DOCK3: variants seen among roughly 807,000 people sequenced by gnomAD.
The protein encoded by DOCK3 is dedicator of cytokinesis 3.
Under a neutral mutation model 265.6 loss-of-function variants are expected in DOCK3, and 60 were observed. The observed-to-expected ratio is 0.23, with a 90% CI of 0.18 to 0.28. The LOEUF (loss-of-function observed/expected upper bound fraction) is 0.28. Ranked by LOEUF, DOCK3 falls within the 10% of genes least tolerant of loss-of-function variation. The pLI is 1.00. For missense variants in DOCK3, 1,981 were observed against 2,594.3 expected (o/e 0.76, Z 5.14); for synonymous variants, 881 against 938.0 (o/e 0.94, Z 1.11).
At chr3:50,804,600 G>A (rs988635627) in intron 2 of DOCK3, among the ~76,000 whole-genome samples, 2 of 152,182 alleles carry the variant, frequency 1.3e-5, no homozygotes, top group African/African-American at 4.8e-5. Context: ...CCAGTCAGGC[G>A]TGGCGGCTGG....
At chr3:51,213,967 T>G (rs1028018774) in intron 13 of DOCK3, among the ~76,000 whole-genome samples, 155 bp from the exon 14 acceptor site, 2 of 152,198 alleles carry the variant, frequency 1.3e-5, no homozygotes, top group South Asian at 2.1e-4. Flanking sequence ...TCCAAAATGT[T>G]TCTTCAAAAT....
chr3:51,086,571 G>A lies in DOCK3; in HGVS notation c.550-2672G>A, dbSNP rs1013918677. 2.0e-5 allele frequency among the ~76,000 whole-genome samples: 3 copies of A among 152,246 alleles called. No homozygotes were observed. The East Asian group carries it at 5.8e-4, about 29-fold the overall frequency. ...CCAGCACTTTGGGAGGCCAAGGCAG[G>A]TGGATCACCTGAGGTCAGGAGTTCA... On this transcript the variant is annotated intron_variant, in intron 7 of 52. Transcript: ENST00000266037.
At position 50,968,553 on chromosome 3, in the gene DOCK3, A is replaced by ATTTTT. The variant is rs749920591; in HGVS notation, c.315+34487_315+34491dup. ...CGAGAAGATACTTTCTATGATTTCA[A>ATTTTT]TTTTTTTTTTTTTTTGAGACGGAGT... On this transcript the variant is annotated intron_variant, in intron 5 of 52. Transcript: ENST00000266037. 2.6e-3 allele frequency among the ~76,000 whole-genome samples: 369 copies of ATTTTT among 139,368 alleles called. 1 individual carries two copies. Among genetic ancestry groups the ATTTTT allele is most frequent in the Admixed American group, 8.5e-3 (118 of 13,908 alleles). The allele number at this position is 139,368 out of a possible 152,430, so 91.4% of individuals were successfully genotyped here.
At chr3:50,916,846 CAAAA>C (rs397877086) in intron 4 of DOCK3, among the ~76,000 whole-genome samples, 4 of 77,090 alleles carry the variant, frequency 5.2e-5, no homozygotes, top group Non-Finnish European at 8.3e-5. Context: ...GACTCCGTTT[CAAAA>C]AAAAAAAAAA....
At chr3:51,322,808 A>G (rs780225249) in intron 32 of DOCK3, among the ~76,000 whole-genome samples, 3 of 152,178 alleles carry the variant, frequency 2.0e-5, no homozygotes, top group Non-Finnish European at 4.4e-5. Context: ...AACAATATTA[A>G]CCTTAAATGT....
chr3:51,246,143 A>G (rs1020131256), intron 21 of DOCK3, among the ~76,000 whole-genome samples: 3 of 152,098 alleles, frequency 2.0e-5, no homozygotes, highest in Non-Finnish European at 4.4e-5. Context: ...TTCAGAATCT[A>G]CTATTTACTG....
At chr3:50,701,781 A>G (rs1054621434) in intron 1 of DOCK3, among the ~76,000 whole-genome samples, 3 of 152,060 alleles carry the variant, frequency 2.0e-5, no homozygotes, top group Non-Finnish European at 4.4e-5. Context: ...TCTTCTACAT[A>G]TTGATACCCA....
In DOCK3 at chr3:50,841,705, CA is replaced by C; in HGVS notation, c.155del (p.Asn52MetfsTer2). 1 of 1,208,112 alleles carries C rather than the reference CA, an allele frequency of 8.3e-7. No homozygotes were observed. Among genetic ancestry groups the C allele is most frequent in the Non-Finnish European group, 1.1e-6 (1 of 938,068 alleles). 74.8% of individuals were successfully genotyped at this position (1,208,112 alleles called of 1,614,324 possible). On this transcript the variant is annotated frameshift_variant, in exon 3 of 53. Coordinates refer to ENST00000266037, the MANE Select transcript of DOCK3 (RefSeq NM_004947.5). LOFTEE classifies it high-confidence loss of function. ...GWYRGVSTKK[P>X]NVKGIFPANY... ...TACAGAGGAGTTTCAACAAAGAAGC[CA>C]AATGTGAAGGTAATGAAAAGTTTAT... is the stretch of plus-strand genomic sequence containing the variant.
intron 5 of DOCK3, among the ~76,000 whole-genome samples, chr3:50,978,119 C>T (rs932111034): frequency 2.2e-4 from 34 of 151,920 alleles, no homozygotes; most frequent in Non-Finnish European, 3.8e-4. Flanking sequence ...GTAATTTGAT[C>T]GTCTGAAGCC....
intron 1 of DOCK3, among the ~76,000 whole-genome samples, chr3:50,715,832 G>T (rs562158076): frequency 2.0e-5 from 3 of 152,198 alleles, no homozygotes; most frequent in African/African-American, 7.2e-5. Flanking sequence ...GGCATTAGGA[G>T]CCATTCATGT....
chr3:50,835,632 C>A (rs2045462223), intron 2 of DOCK3, among the ~76,000 whole-genome samples: 1 of 152,040 alleles, frequency 6.6e-6, no homozygotes, highest in Non-Finnish European at 1.5e-5. Flanking sequence ...TTTTTATTAG[C>A]CAGTTTTTAG....
intron 4 of DOCK3, among the ~76,000 whole-genome samples, chr3:50,893,516 A>G (rs2048740903): frequency 6.6e-6 from 1 of 152,128 alleles, no homozygotes; most frequent in Admixed American, 6.6e-5. Context: ...AGCATTCTTG[A>G]TCAAATAGAG....
At chr3:50,773,583 G>A (rs771511683) in intron 1 of DOCK3, among the ~76,000 whole-genome samples, 6 of 151,916 alleles carry the variant, frequency 3.9e-5, no homozygotes, top group Non-Finnish European at 8.8e-5. Flanking sequence ...TAATAGTAAG[G>A]GCCTCGATAA....
At chr3:50,693,350 A>G (rs1336896560) in intron 1 of DOCK3, among the ~76,000 whole-genome samples, 2 of 152,148 alleles carry the variant, frequency 1.3e-5, no homozygotes, top group African/African-American at 4.8e-5. Flanking sequence ...TAAGTCTTCC[A>G]ATCAGTTAAC....
intron 22 of DOCK3, among the ~76,000 whole-genome samples, chr3:51,248,842 G>A (rs1411129460): frequency 6.1e-5 from 9 of 146,568 alleles, no homozygotes; most frequent in South Asian, 2.2e-4. Flanking sequence ...CCTCTGCCCC[G>A]CCGCCCCGTC....
intron 1 of DOCK3, among the ~76,000 whole-genome samples, chr3:50,741,882 G>C: frequency 6.6e-6 from 1 of 152,158 alleles, no homozygotes; most frequent in Non-Finnish European, 1.5e-5. Context: ...CTAGTTTACA[G>C]TCCCACCAAC....
At chr3:50,997,070 T>G (rs1255254087) in intron 5 of DOCK3, among the ~76,000 whole-genome samples, 1 of 152,238 alleles carries the variant, frequency 6.6e-6, no homozygotes, top group Non-Finnish European at 1.5e-5. Context: ...TTCAGTGACC[T>G]TTTGTGTTTA....
chr3:51,180,479 A>C (rs2087224578), intron 12 of DOCK3, among the ~76,000 whole-genome samples: 1 of 152,076 alleles, frequency 6.6e-6, no homozygotes, highest in East Asian at 1.9e-4. Flanking sequence ...GCCTCTTCCA[A>C]CTTCTGGCTG....
intron 4 of DOCK3, among the ~76,000 whole-genome samples, chr3:50,905,197 A>C (rs2049418197): frequency 6.6e-6 from 1 of 152,114 alleles, no homozygotes; most frequent in Admixed American, 6.5e-5. Flanking sequence ...AGGTAGTGTG[A>C]TGCCTCCAGC....
Sources: allele counts gnomAD v4.1 joint callset (sites outside exome capture counted in the v4.1 genomes callset), GRCh38; gene constraint gnomAD v4.1.1; transcripts MANE v1.5; gene names NCBI Gene and HGNC (gene_info 2026-07-23, HGNC 2026-07-21).